The following USP20 variants were observed in gnomAD, a reference collection of about 807,000 sequenced individuals.
USP20 encodes the protein ubiquitin specific peptidase 20.
In USP20, 80 loss-of-function variants were observed where a neutral mutation model predicts 124.2. The ratio of observed to expected loss-of-function variants is 0.64; its 90% confidence interval spans 0.54 to 0.78. The LOEUF is 0.78. Among genes scored for constraint, USP20 ranks in the 30% least tolerant of loss-of-function variants. The probability of loss-of-function intolerance (pLI) is 0.00; values close to 1 mark genes in which losing one functional copy is unlikely to be tolerated. For missense variants in USP20, 1,043 were observed against 1,244.4 expected (o/e 0.84, Z 2.44); for synonymous variants, 481 against 512.3 (o/e 0.94, Z 0.83).
intron 8 of USP20, among the ~76,000 whole-genome samples, chr9:129,862,793 C>A (rs1032542462): frequency 6.6e-6 from 1 of 151,708 alleles, no homozygotes; most frequent in Non-Finnish European, 1.5e-5. Context: ...GTAATCCCAG[C>A]TACTCGGGAG....
chr9:129,870,430 C>G, intron 14 of USP20, 23 bp from the exon 15 acceptor site: 1 of 1,612,624 alleles, frequency 6.2e-7, no homozygotes, highest in South Asian at 1.1e-5. Context: ...GGCAGCACCC[C>G]TGCACTCCTT....
chr9:129,873,597 C>T (rs2034240257), intron 16 of USP20, 82 bp downstream of exon 16: 9 of 1,612,984 alleles, frequency 5.6e-6, no homozygotes, highest in Non-Finnish European at 5.9e-6. Context: ...CAGAGAGCCC[C>T]CTATAATCCT....
In USP20 at chr9:129,863,213, G is replaced by A; in HGVS notation, c.525G>A (p.Glu175=). Residue 175 remains glutamate (E), a synonymous_variant, in exon 9 of 26, where the codon GAG becomes GAA. Transcript: ENST00000372429. ...CGCCGCTGACTCAGTTCTTCTTGGA[G>A]TGTGGCGGCCTGGTGCGCACAGATA... The part of the protein sequence containing the change: ...NCPPLTQFFL[E]CGGLVRTDKK... 6.5e-7 allele frequency: 1 copy of A among 1,546,742 alleles called. No homozygotes were observed.
chr9:129,868,704 CG>C (rs1203319820), intron 11 of USP20, among the ~76,000 whole-genome samples, 157 bp from the exon 12 acceptor site: 1 of 152,168 alleles, frequency 6.6e-6, no homozygotes, highest in Admixed American at 6.5e-5. Context: ...AGGTCTGCTC[CG>C]GCCTGTGTGC....
intron 8 of USP20, among the ~76,000 whole-genome samples, chr9:129,862,207 T>A (rs145925551): frequency 1.1e-4 from 16 of 152,294 alleles, no homozygotes; most frequent in African/African-American, 3.6e-4. Flanking sequence ...TCCCAAAATG[T>A]TCCTAGTAAC....
At position 129,880,999 on chromosome 9, in the gene USP20, C is replaced by T. The variant is rs1352314936; in HGVS notation, c.*549C>T. 6.6e-6 allele frequency: 1 copy of T among 152,368 alleles called. No individual in the cohort carries two copies. Among genetic ancestry groups the T allele is most frequent in the Non-Finnish European group, 1.5e-5 (1 of 68,132 alleles). The allele number at this position is 152,368 out of a possible 1,614,324, so 9.4% of individuals were successfully genotyped here. ...TCCCGGGCTGCTCTCAGCACTTCTC[C>T]TGCAGACTGAAGACTCTGGACTCAT... On this transcript the variant is annotated 3_prime_UTR_variant, in exon 26 of 26. Transcript: ENST00000372429.
At chr9:129,845,308 G>T (rs1412219285) in intron 1 of USP20, among the ~76,000 whole-genome samples, 1 of 151,932 alleles carries the variant, frequency 6.6e-6, no homozygotes, top group Non-Finnish European at 1.5e-5. Flanking sequence ...CAGGAGTTTG[G>T]GGAAGAGCAA....
intron 1 of USP20, among the ~76,000 whole-genome samples, chr9:129,842,712 GCCT>G (rs1424561187): frequency 2.6e-5 from 4 of 151,296 alleles, no homozygotes; most frequent in African/African-American, 9.7e-5. Flanking sequence ...TCCTGCCTCA[GCCT>G]CCTGAGTAGC....
At chr9:129,861,397 ATTCC>A (rs2033540683) in intron 7 of USP20, 142 bp from the exon 8 acceptor site, 1 of 719,252 alleles carries the variant, frequency 1.4e-6, no homozygotes, top group South Asian at 1.7e-5. Flanking sequence ...TACTGGGAAG[ATTCC>A]TGGGGTGGAA....
chr9:129,847,140 T>C (rs891556713), intron 1 of USP20, among the ~76,000 whole-genome samples: 10 of 152,162 alleles, frequency 6.6e-5, no homozygotes, highest in African/African-American at 2.4e-4. Context: ...TTTAGTGCAT[T>C]TGGGTGTATA....
intron 1 of USP20, among the ~76,000 whole-genome samples, chr9:129,845,752 G>GA (rs371647459): frequency 2.0e-5 from 3 of 150,524 alleles, no homozygotes; most frequent in Non-Finnish European, 4.4e-5. Flanking sequence ...AGTATAGGAA[G>GA]AAAAAAAAGG....
At chr9:129,857,765 C>T (rs549305615) in intron 4 of USP20, among the ~76,000 whole-genome samples, 2 of 152,340 alleles carry the variant, frequency 1.3e-5, no homozygotes, top group South Asian at 4.1e-4. Flanking sequence ...AGCCAGGCCC[C>T]AGCTGGGACC....
chr9:129,841,530 G>A (rs2032211531), intron 1 of USP20, among the ~76,000 whole-genome samples: 1 of 152,166 alleles, frequency 6.6e-6, no homozygotes. Flanking sequence ...TGGTTGTCCT[G>A]GGGATGTTCT....
At chr9:129,866,546 A>C (rs1310909978) in intron 10 of USP20, among the ~76,000 whole-genome samples, 1 of 152,118 alleles carries the variant, frequency 6.6e-6, no homozygotes, top group African/African-American at 2.4e-5. Context: ...GCACAGCACC[A>C]CCCTGACTGT....
At chr9:129,874,800 C>A (rs2034308830) in intron 18 of USP20, 29 bp from the exon 19 acceptor site, 1 of 1,613,880 alleles carries the variant, frequency 6.2e-7, no homozygotes, top group African/African-American at 1.3e-5. Flanking sequence ...CGCTAGGATC[C>A]CTGTGACCCG....
intron 3 of USP20, 21 bp from the exon 4 acceptor site, chr9:129,856,286 C>T: frequency 6.2e-7 from 1 of 1,613,686 alleles, no homozygotes; most frequent in Non-Finnish European, 8.5e-7. Flanking sequence ...TGCTCTTTTT[C>T]TCTCCTCTCA....
intron 22 of USP20, among the ~76,000 whole-genome samples, chr9:129,877,452 G>A (rs2034454864): frequency 6.6e-6 from 1 of 152,242 alleles, no homozygotes; most frequent in South Asian, 2.1e-4. Flanking sequence ...AAGCCTGGGA[G>A]GTTGAGGCTG....
intron 1 of USP20, among the ~76,000 whole-genome samples, chr9:129,837,087 A>C (rs1236365129): frequency 3.3e-5 from 5 of 152,168 alleles, no homozygotes; most frequent in African/African-American, 4.8e-5. Context: ...AGTGATAACC[A>C]CCACCTGTGC....
intron 1 of USP20, among the ~76,000 whole-genome samples, chr9:129,845,035 T>C (rs961430355): frequency 1.3e-5 from 2 of 152,034 alleles, no homozygotes; most frequent in Non-Finnish European, 2.9e-5. Flanking sequence ...ATACAAAAAT[T>C]AGCCAGTCTC....
Sources: gnomAD v4.1 joint callset for allele counts (sites outside exome capture counted in the v4.1 genomes callset) on GRCh38, gnomAD v4.1.1 for gene constraint, MANE v1.5 for transcripts, NCBI Gene and HGNC (gene_info 2026-07-23, HGNC 2026-07-21) for gene names.